Variants in PRH1 observed in about 807,000 individuals in gnomAD.
The protein encoded by PRH1 is salivary acidic proline-rich phosphoprotein 1/2.
In PRH1, 7 loss-of-function variants were observed where a neutral mutation model predicts 7.9. That is an observed-to-expected ratio of 0.89 (90% CI 0.50 to 1.67). The LOEUF (loss-of-function observed/expected upper bound fraction) is 1.67. PRH1 is among the 40% of genes most tolerant of loss of function. The probability of loss-of-function intolerance (pLI) is 0.00; values close to 1 mark genes in which losing one functional copy is unlikely to be tolerated. For missense variants in PRH1, 109 were observed against 223.6 expected (o/e 0.49, Z 3.27); for synonymous variants, 45 against 80.8 (o/e 0.56, Z 2.38).
At chr12:10,941,733 T>A (rs1950404698) in intron 2 of PRH1, among the ~76,000 whole-genome samples, 1 of 152,088 alleles carries the variant, frequency 6.6e-6, no homozygotes, top group South Asian at 2.1e-4. Flanking sequence ...AATCAGGGAT[T>A]TCTTCTTGGT....
At chr12:11,022,758 T>C (rs1325172532) in intron 1 of PRH1, 3 of 567,630 alleles carry the variant, frequency 5.3e-6, no homozygotes, top group Non-Finnish European at 6.2e-6. Context: ...ACTGTCTTTA[T>C]AGAAATAGAA....
intron 1 of PRH1, among the ~76,000 whole-genome samples, chr12:11,151,046 T>C (rs1037131462): frequency 2.0e-5 from 3 of 152,190 alleles, no homozygotes; most frequent in Admixed American, 2.0e-4. Context: ...ACTCTGCCTC[T>C]TGCTGGGCTG....
chr12:10,933,605 A>AG (rs1414152076), intron 2 of PRH1, among the ~76,000 whole-genome samples: 1 of 152,106 alleles, frequency 6.6e-6, no homozygotes, highest in Non-Finnish European at 1.5e-5. Flanking sequence ...AGAGGAAAAA[A>AG]AAATATGACC....
intron 2 of PRH1, among the ~76,000 whole-genome samples, chr12:10,923,738 T>G (rs1950084501): frequency 6.6e-6 from 1 of 152,164 alleles, no homozygotes; most frequent in Non-Finnish European, 1.5e-5. Context: ...ATTCTACCCA[T>G]TTATTTTCTG....
At chr12:11,116,524 C>A (rs769788531), downstream of PRH1, among the ~76,000 whole-genome samples, 52 of 151,978 alleles carry the variant, frequency 3.4e-4, no homozygotes, top group Admixed American at 1.4e-3. Context: ...CAATCCTACA[C>A]AAACTATTCT....
intron 1 of PRH1, among the ~76,000 whole-genome samples, chr12:11,082,755 C>A (rs796785409): frequency 4.3e-4 from 43 of 100,428 alleles, no homozygotes; most frequent in Non-Finnish European, 5.8e-4. Context: ...AAAGTGACCT[C>A]CAGCAAAGAA....
intron 2 of PRH1, among the ~76,000 whole-genome samples, chr12:10,941,542 A>G (rs1455502332): frequency 1.4e-5 from 2 of 146,976 alleles, no homozygotes; most frequent in East Asian, 4.0e-4. Flanking sequence ...GAATTTATTT[A>G]TTATTAAAAT....
At chr12:10,949,892 T>C (rs1167630949) in intron 2 of PRH1, among the ~76,000 whole-genome samples, 1 of 152,212 alleles carries the variant, frequency 6.6e-6, no homozygotes, top group Non-Finnish European at 1.5e-5. Flanking sequence ...ATCACTTATA[T>C]GTTTCGTTTT....
chr12:10,927,523 C>G (rs1373116748), intron 2 of PRH1, among the ~76,000 whole-genome samples: 1 of 152,220 alleles, frequency 6.6e-6, no homozygotes, highest in Non-Finnish European at 1.5e-5. Flanking sequence ...ATTCCCACTT[C>G]AAATATGTCT....
chr12:11,011,032 ATTGT>A (rs1348915854), intron 1 of PRH1, among the ~76,000 whole-genome samples: 1 of 152,046 alleles, frequency 6.6e-6, no homozygotes, highest in Non-Finnish European at 1.5e-5. Context: ...AAATTTCAGG[ATTGT>A]TTAACAACTC....
At chr12:11,115,609 C>T (rs947977292) in intron 1 of PRH1, among the ~76,000 whole-genome samples, 3 of 152,066 alleles carry the variant, frequency 2.0e-5, no homozygotes, top group African/African-American at 7.2e-5. Flanking sequence ...TTTTCCTCAG[C>T]ACATGGATTT....
chr12:11,072,786 C>G (rs1944131963), intron 1 of PRH1, among the ~76,000 whole-genome samples: 1 of 129,144 alleles, frequency 7.7e-6, no homozygotes, highest in Admixed American at 7.8e-5. Flanking sequence ...GTGAATATTT[C>G]TTGTTTTTCA....
At chr12:11,032,545 C>A (rs1385813596) in intron 1 of PRH1, among the ~76,000 whole-genome samples, 1 of 152,114 alleles carries the variant, frequency 6.6e-6, no homozygotes, top group Non-Finnish European at 1.5e-5. Context: ...AAATTATTTT[C>A]TTGTAATTTC....
chr12:11,124,148 C>T (rs1268594101), intron 1 of PRH1, among the ~76,000 whole-genome samples: 2 of 152,138 alleles, frequency 1.3e-5, no homozygotes, highest in Non-Finnish European at 2.9e-5. Context: ...GCTGGGTCCT[C>T]GCCACACAAT....
intron 1 of PRH1, among the ~76,000 whole-genome samples, chr12:11,140,842 T>G (rs1372007824): frequency 6.6e-6 from 1 of 152,146 alleles, no homozygotes; most frequent in Non-Finnish European, 1.5e-5. Context: ...GCCTGGTGAA[T>G]GGAGCTTGAG....
At chr12:11,061,210 T>C (rs1307956330) in intron 1 of PRH1, among the ~76,000 whole-genome samples, 1 of 140,206 alleles carries the variant, frequency 7.1e-6, no homozygotes. Flanking sequence ...ACATACGCAC[T>C]TTTTTAGACT....
At chr12:10,939,111 T>C in intron 2 of PRH1, 1 of 1,613,054 alleles carries the variant, frequency 6.2e-7, no homozygotes, top group Admixed American at 1.7e-5. Context: ...ACCCAGTCAA[T>C]ACAGTTCACC....
intron 1 of PRH1, among the ~76,000 whole-genome samples, chr12:11,110,186 T>C (rs1228944707): frequency 1.3e-5 from 2 of 152,148 alleles, no homozygotes; most frequent in African/African-American, 4.8e-5. Flanking sequence ...ACCAAACCTA[T>C]GATTCACTGG....
At chr12:10,984,801 A>G (rs905274404) in intron 1 of PRH1, among the ~76,000 whole-genome samples, 7 of 152,066 alleles carry the variant, frequency 4.6e-5, no homozygotes, top group African/African-American at 7.2e-5. Flanking sequence ...GAATATATCA[A>G]CACACTGTCT....
Sources: gnomAD v4.1 joint callset for allele counts (sites outside exome capture counted in the v4.1 genomes callset) on GRCh38, gnomAD v4.1.1 for gene constraint, MANE v1.5 for transcripts, NCBI Gene and HGNC (gene_info 2026-07-23, HGNC 2026-07-21) for gene names.